Variants in RNF216 observed in about 807,000 individuals in gnomAD.
RNF216 encodes E3 ubiquitin-protein ligase RNF216.
Under a neutral mutation model 110.8 loss-of-function variants are expected in RNF216, and 72 were observed. That is an observed-to-expected ratio of 0.65 (90% CI 0.54 to 0.79). The LOEUF is 0.79. RNF216 is among the 30% of genes least tolerant of loss of function. RNF216 has a pLI of 0.00. For synonymous variants in RNF216, 495 were observed against 407.5 expected, an observed-to-expected ratio of 1.21 and a Z score of -2.59; for missense variants, 1,342 against 1,141.2, an observed-to-expected ratio of 1.18 and a Z score of -2.54.
At chr7:5,644,547 C>T (rs548745948) in intron 14 of RNF216, among the ~76,000 whole-genome samples, 2 of 151,720 alleles carry the variant, frequency 1.3e-5, no homozygotes, top group Non-Finnish European at 2.9e-5. Flanking sequence ...ACTCTGTCAT[C>T]CAGGCTGGAG....
At position 5,641,180 on chromosome 7, in the gene RNF216, T is replaced by G. The variant is rs1425074236; in HGVS notation, c.2356A>C (p.Arg786=). Residue 786 remains arginine (R), a synonymous_variant, in exon 15 of 17, where the codon AGA becomes CGA. Transcript: ENST00000389902. ...GTGGGATCGGTCCAGAGAGAGCATCTTGAACACTCCTGGCAAGGGGCTCCT... is the reference window on the plus strand; with the variant it reads ...GTGGGATCGGTCCAGAGAGAGCATCGTGAACACTCCTGGCAAGGGGCTCCT... ...SPGAPCQECS[R]CSLWTDPTED... The G allele has an allele frequency of 1.2e-5, 20 of 1,614,064 alleles. 1 individual carries two copies. The Admixed American group carries it at 2.8e-4, about 23-fold the overall frequency.
chr7:5,723,475 G>A (rs796306164), intron 8 of RNF216, among the ~76,000 whole-genome samples: 76 of 151,940 alleles, frequency 5.0e-4, no homozygotes, highest in Middle Eastern at 3.4e-3. Context: ...GTGAAACCCC[G>A]TCTCTACTAA....
intron 13 of RNF216, among the ~76,000 whole-genome samples, chr7:5,700,009 G>T (rs1005898499): frequency 1.3e-5 from 2 of 152,220 alleles, no homozygotes; most frequent in Non-Finnish European, 2.9e-5. Flanking sequence ...AGCAGCTTCA[G>T]CTTAGGCTTT....
chr7:5,730,668 C>T, intron 6 of RNF216, 47 bp downstream of exon 6: 1 of 1,596,716 alleles, frequency 6.3e-7, no homozygotes, highest in East Asian at 2.2e-5. Context: ...AACAACAAAG[C>T]ACAGCATTTC....
At chr7:5,653,416 G>A (rs1361675645) in intron 13 of RNF216, among the ~76,000 whole-genome samples, 3 of 151,674 alleles carry the variant, frequency 2.0e-5, no homozygotes, top group Non-Finnish European at 4.4e-5. Context: ...GGCTAACACG[G>A]TGAAACCCTG....
At chr7:5,739,155 T>TG (rs1722826530) in intron 5 of RNF216, 121 bp downstream of exon 5, 1 of 1,186,438 alleles carries the variant, frequency 8.4e-7, no homozygotes, top group African/African-American at 1.6e-5. Flanking sequence ...TGCATAATAA[T>TG]GTGAATTTAC....
chr7:5,628,756 A>G (rs1336966423), intron 15 of RNF216, among the ~76,000 whole-genome samples: 1 of 151,816 alleles, frequency 6.6e-6, no homozygotes, highest in African/African-American at 2.4e-5. Flanking sequence ...CCTGGGCTCA[A>G]GCGATGCACC....
chr7:5,728,990 C>A (rs192151740), intron 7 of RNF216, among the ~76,000 whole-genome samples: 1 of 152,166 alleles, frequency 6.6e-6, no homozygotes, highest in South Asian at 2.1e-4. Context: ...GCGGGGAGAA[C>A]GCTGGGAGCT....
chr7:5,661,345 C>T (rs747465105), intron 13 of RNF216, among the ~76,000 whole-genome samples: 17 of 151,964 alleles, frequency 1.1e-4, no homozygotes, highest in African/African-American at 2.2e-4. Flanking sequence ...TACAGGTGTG[C>T]GCCACCATGC....
intron 4 of RNF216, 83 bp downstream of exon 4, chr7:5,740,890 C>CT (rs911252019): frequency 9.5e-3 from 10,233 of 1,076,402 alleles, no homozygotes; most frequent in South Asian, 0.012. Context: ...ATACCAACAA[C>CT]TTTTTTTTTT....
At chr7:5,631,269 C>T (rs1397232323) in intron 15 of RNF216, among the ~76,000 whole-genome samples, 1 of 152,174 alleles carries the variant, frequency 6.6e-6, no homozygotes, top group African/African-American at 2.4e-5. Flanking sequence ...TCCCCTGAAA[C>T]AGCCCACTTG....
intron 13 of RNF216, among the ~76,000 whole-genome samples, chr7:5,671,761 T>C (rs1482611232): frequency 6.0e-5 from 8 of 133,458 alleles, no homozygotes; most frequent in Non-Finnish European, 1.1e-4. Flanking sequence ...GCCGAGATTG[T>C]GCCACTGCAC....
chr7:5,711,720 C>T (rs1192292288), intron 13 of RNF216, 41 bp downstream of exon 13: 1 of 1,546,304 alleles, frequency 6.5e-7, no homozygotes, highest in Non-Finnish European at 8.9e-7. Flanking sequence ...CCCATAATAC[C>T]ATAATTCAAT....
At chr7:5,681,490 T>A (rs1790647020) in intron 13 of RNF216, among the ~76,000 whole-genome samples, 2 of 152,118 alleles carry the variant, frequency 1.3e-5, no homozygotes, top group Admixed American at 1.3e-4. Context: ...TGCCTCCCTC[T>A]CTAGTTTATT....
intron 13 of RNF216, among the ~76,000 whole-genome samples, chr7:5,706,455 C>T (rs1792296243): frequency 6.6e-6 from 1 of 152,188 alleles, no homozygotes; most frequent in East Asian, 1.9e-4. Context: ...ACTTTAGATC[C>T]TGCATTTAAG....
intron 4 of RNF216, chr7:5,739,712 C>T: frequency 2.2e-6 from 1 of 444,614 alleles, no homozygotes; most frequent in Non-Finnish European, 4.5e-6. Flanking sequence ...GATAAAAACA[C>T]CTGGGTGGCC....
At chr7:5,647,399 T>A (rs796908405) in intron 14 of RNF216, among the ~76,000 whole-genome samples, 7 of 142,094 alleles carry the variant, frequency 4.9e-5, no homozygotes, top group African/African-American at 1.8e-4. Flanking sequence ...ACTTGTACAA[T>A]CATGGCTTAC....
intron 15 of RNF216, among the ~76,000 whole-genome samples, chr7:5,632,058 G>A (rs1166316397): frequency 6.6e-6 from 1 of 152,222 alleles, no homozygotes; most frequent in African/African-American, 2.4e-5. Flanking sequence ...GGACTTGTAG[G>A]TTCCAAGGAT....
chr7:5,739,236 C>T, intron 5 of RNF216, 40 bp downstream of exon 5: 1 of 1,487,278 alleles, frequency 6.7e-7, no homozygotes, highest in East Asian at 2.4e-5. Context: ...ATTTTACCAC[C>T]ACCACCACCA....
Sources: allele counts gnomAD v4.1 joint callset (sites outside exome capture counted in the v4.1 genomes callset), GRCh38; gene constraint gnomAD v4.1.1; transcripts MANE v1.5; gene names NCBI Gene and HGNC (gene_info 2026-07-23, HGNC 2026-07-21).